Variants in CD44 observed in about 807,000 individuals in gnomAD.
CD44 encodes CD44 molecule (IN blood group).
Under a neutral mutation model 88.8 loss-of-function variants are expected in CD44, and 49 were observed. The ratio of observed to expected loss-of-function variants is 0.55; its 90% confidence interval spans 0.44 to 0.70. The LOEUF (loss-of-function observed/expected upper bound fraction) is 0.70, where lower values mean the gene tolerates loss of function less well. Among genes scored for constraint, CD44 ranks in the 30% least tolerant of loss-of-function variants. The probability of loss-of-function intolerance (pLI) is 0.00; values close to 1 mark genes in which losing one functional copy is unlikely to be tolerated. For missense variants in CD44, 883 were observed against 913.8 expected, an observed-to-expected ratio of 0.97 and a Z score of 0.43; for synonymous variants, 325 against 312.3, an observed-to-expected ratio of 1.04 and a Z score of -0.43.
At chr11:35,219,040 C>T (rs564410580) in intron 15 of CD44, 1 of 393,558 alleles carries the variant, frequency 2.5e-6, no homozygotes, top group South Asian at 3.6e-5. Context: ...CCAGGGTTGT[C>T]CAGCTCTAGA....
chr11:35,227,364 T>C (rs1949778855), intron 17 of CD44, among the ~76,000 whole-genome samples: 1 of 152,210 alleles, frequency 6.6e-6, no homozygotes, highest in Non-Finnish European at 1.5e-5. Context: ...CTTTGTATTT[T>C]GAATACAGAC....
At position 35,139,250 on chromosome 11, in the gene CD44, G is replaced by T. The variant is rs868319324; in HGVS notation, c.-54G>T. 28 of 1,448,938 alleles carry T rather than the reference G, an allele frequency of 1.9e-5. No homozygotes were observed. The highest frequency in any genetic ancestry group is 1.8e-4 in the Middle Eastern group (1 of 5,598). The allele number at this position is 1,448,938 out of a possible 1,614,324, so 89.8% of individuals were successfully genotyped here. On this transcript the variant is annotated 5_prime_UTR_variant, in exon 1 of 18. Transcript: ENST00000428726. ...CGTCCTCCGCCGGCCCCTGCCCCGC[G>T]CCCAGGGATCCTCCAGCTCCTTTCG...
rs1949898353 is a variant in CD44 at position 35,228,794 on chromosome 11, A to G, written c.2025-335A>G. On this transcript the variant is annotated intron_variant, in intron 17 of 17. Transcript: ENST00000428726. ...TGAGGGGTTGCAAATTTGACTGTGC[A>G]GAGAAGCCACAGATCCTGGGCTCCA... 2.6e-5 allele frequency among the ~76,000 whole-genome samples: 4 copies of G among 152,318 alleles called. No individual in the cohort carries two copies. In the South Asian group the frequency reaches 8.3e-4, roughly 32 times the overall value.
Position 35,210,042 on chromosome 11 carries a change from C to G in CD44, c.1594C>G (p.Leu532Val). Residue 532 changes from leucine (L) to valine (V), a missense_variant, in exon 13 of 18, where the codon CTG (leucine) becomes GTG (valine). Leu to Val is a conservative substitution (Grantham distance 32, BLOSUM62 1). Transcript: ENST00000428726. ...EDKDHPTTST[L>V]TSSNRNDVTG... ...TAAAGACCATCCAACAACTTCTACT[C>G]TGACATCAAGCAGTAAGGATTATAA... 1.3e-6 allele frequency: 2 copies of G among 1,550,416 alleles called. No individual in the cohort carries two copies. The highest frequency in any genetic ancestry group is 1.2e-5 in the South Asian group (1 of 80,886).
intron 17 of CD44, among the ~76,000 whole-genome samples, chr11:35,227,424 G>C (rs1157276167): frequency 2.6e-5 from 4 of 152,184 alleles, no homozygotes; most frequent in Admixed American, 2.6e-4. Context: ...GGGCTCAAGT[G>C]ATCCACCCGC....
chr11:35,167,846 A>G (rs1291939789), intron 1 of CD44, among the ~76,000 whole-genome samples: 3 of 152,212 alleles, frequency 2.0e-5, no homozygotes, highest in African/African-American at 7.2e-5. Flanking sequence ...TCCTCTCCTA[A>G]GAGCCCTGCC....
intron 1 of CD44, among the ~76,000 whole-genome samples, chr11:35,148,032 A>T (rs1383560482): frequency 6.6e-6 from 1 of 152,034 alleles, no homozygotes; most frequent in East Asian, 1.9e-4. Flanking sequence ...CAGAGGTTGC[A>T]GTGAGCCAAG....
At chr11:35,229,088 A>T (rs1462019577) in intron 17 of CD44, 41 bp from the exon 18 acceptor site, 2 of 1,491,488 alleles carry the variant, frequency 1.3e-6, no homozygotes, top group Non-Finnish European at 1.9e-6. Context: ...TGCCTGAGTC[A>T]CTGCAATCTT....
intron 15 of CD44, among the ~76,000 whole-genome samples, chr11:35,218,204 CT>C (rs1172746944): frequency 2.0e-5 from 3 of 152,156 alleles, no homozygotes; most frequent in African/African-American, 7.2e-5. Context: ...TTTTGTTCAT[CT>C]CCTTATTTTG....
chr11:35,224,181 G>C (rs1271142581), intron 17 of CD44, among the ~76,000 whole-genome samples: 1 of 152,166 alleles, frequency 6.6e-6, no homozygotes, highest in African/African-American at 2.4e-5. Context: ...TGGGTCATGG[G>C]CTTGCATGAT....
At chr11:35,173,597 A>G (rs1944144087) in intron 1 of CD44, among the ~76,000 whole-genome samples, 1 of 152,230 alleles carries the variant, frequency 6.6e-6, no homozygotes, top group South Asian at 2.1e-4. Context: ...TAAAAATAAT[A>G]GACATTGGCT....
At chr11:35,166,714 G>A (rs1039446587) in intron 1 of CD44, among the ~76,000 whole-genome samples, 1 of 152,226 alleles carries the variant, frequency 6.6e-6, no homozygotes, top group Non-Finnish European at 1.5e-5. Flanking sequence ...ATTTCTAAGT[G>A]CCAAGTGATG....
chr11:35,206,757 A>G (rs1160814496), intron 11 of CD44, among the ~76,000 whole-genome samples: 1 of 151,132 alleles, frequency 6.6e-6, no homozygotes, highest in Non-Finnish European at 1.5e-5. Context: ...CAGTGAGTGG[A>G]TCCATTTTTC....
intron 1 of CD44, among the ~76,000 whole-genome samples, chr11:35,144,206 T>C (rs770009273): frequency 3.4e-4 from 52 of 152,166 alleles, no homozygotes; most frequent in Non-Finnish European, 6.2e-4. Context: ...GCCTCCTGGC[T>C]GGGGCTGGGG....
chr11:35,187,035 G>A, intron 4 of CD44, 135 bp downstream of exon 4: 3 of 615,188 alleles, frequency 4.9e-6, no homozygotes, highest in Admixed American at 4.8e-5. Context: ...CACTTTGGGA[G>A]GCTGAGGTGG....
intron 1 of CD44, among the ~76,000 whole-genome samples, chr11:35,158,217 G>T (rs1033286202): frequency 6.6e-6 from 1 of 152,172 alleles, no homozygotes; most frequent in Non-Finnish European, 1.5e-5. Context: ...AGGGACCAGG[G>T]TCTCTCAGAA....
At chr11:35,174,515 G>A (rs1944240579) in intron 1 of CD44, among the ~76,000 whole-genome samples, 2 of 152,206 alleles carry the variant, frequency 1.3e-5, no homozygotes. Flanking sequence ...TTCCTCAAGT[G>A]TAAACCGGGG....
intron 9 of CD44, among the ~76,000 whole-genome samples, chr11:35,203,872 C>T (rs1272980050): frequency 2.6e-5 from 4 of 152,082 alleles, no homozygotes; most frequent in African/African-American, 9.7e-5. Flanking sequence ...TTATATAATG[C>T]CTCAAACTGG....
At chr11:35,181,146 C>T (rs1455976335) in intron 3 of CD44, among the ~76,000 whole-genome samples, 1 of 152,048 alleles carries the variant, frequency 6.6e-6, no homozygotes, top group African/African-American at 2.4e-5. Flanking sequence ...AATGTCTTAG[C>T]TGAGAGGTAT....
Sources: gnomAD v4.1 joint callset for allele counts (sites outside exome capture counted in the v4.1 genomes callset) on GRCh38, gnomAD v4.1.1 for gene constraint, MANE v1.5 for transcripts, NCBI Gene and HGNC (gene_info 2026-07-23, HGNC 2026-07-21) for gene names.